The following TRPM3 variants were observed in gnomAD, a reference collection of about 807,000 sequenced individuals.
TRPM3 encodes the protein transient receptor potential cation channel subfamily M member 3, also known as long transient receptor potential channel 3.
Under a neutral mutation model 181.2 loss-of-function variants are expected in TRPM3, and 77 were observed. The observed-to-expected ratio is 0.42, with a 90% CI of 0.35 to 0.51. TRPM3 has a LOEUF of 0.51. Among genes scored for constraint, TRPM3 ranks in the 20% least tolerant of loss-of-function variants. The pLI, the probability that TRPM3 is intolerant of heterozygous loss-of-function variation, is 0.01. For synonymous variants in TRPM3, 745 were observed against 796.4 expected (o/e 0.94, Z 1.09); for missense variants, 1,759 against 2,196.7 (o/e 0.80, Z 3.98).
At chr9:71,309,284 G>A (rs7020962) in intron 1 of TRPM3, among the ~76,000 whole-genome samples, 7,287 of 152,026 alleles carry the variant, frequency 0.048, 418 homozygotes, top group African/African-American at 0.14. Context: ...TTTTTGTTTC[G>A]TATTCATGGC....
intron 1 of TRPM3, among the ~76,000 whole-genome samples, chr9:71,402,853 T>C (rs1020486831): frequency 2.6e-5 from 4 of 152,084 alleles, no homozygotes; most frequent in African/African-American, 9.6e-5. Flanking sequence ...AGATTTTTTT[T>C]TAACAGCAAT....
At chr9:71,256,910 G>T (rs976773938) in intron 1 of TRPM3, among the ~76,000 whole-genome samples, 2 of 152,118 alleles carry the variant, frequency 1.3e-5, no homozygotes, top group East Asian at 1.9e-4. Flanking sequence ...AAAAATACTG[G>T]TAAGTAAAAT....
At chr9:71,196,316 A>G (rs938016096) in intron 1 of TRPM3, among the ~76,000 whole-genome samples, 2 of 151,844 alleles carry the variant, frequency 1.3e-5, no homozygotes. Context: ...GGCCAAAAAA[A>G]GTCACACACA....
At chr9:71,191,494 T>G (rs568305024) in intron 1 of TRPM3, among the ~76,000 whole-genome samples, 1 of 151,714 alleles carries the variant, frequency 6.6e-6, no homozygotes, top group South Asian at 2.1e-4. Context: ...CCAACACTTA[T>G]GTATTTGTCG....
At chr9:71,190,580 T>A (rs1031587939) in intron 1 of TRPM3, among the ~76,000 whole-genome samples, 3 of 151,900 alleles carry the variant, frequency 2.0e-5, no homozygotes, top group African/African-American at 7.2e-5. Flanking sequence ...AAGAGTAGGA[T>A]AAAGGGAATG....
intron 1 of TRPM3, among the ~76,000 whole-genome samples, chr9:71,076,049 G>A (rs772049334): frequency 6.6e-5 from 10 of 152,068 alleles, no homozygotes; most frequent in Non-Finnish European, 1.3e-4. Context: ...CCAACTGTAC[G>A]TTTACGTAAA....
At chr9:71,299,496 A>G (rs1386859391) in intron 1 of TRPM3, among the ~76,000 whole-genome samples, 1 of 151,262 alleles carries the variant, frequency 6.6e-6, no homozygotes, top group African/African-American at 2.4e-5. Context: ...AATAAAAGAG[A>G]AAAAGATGAA....
At chr9:71,344,606 C>T (rs555581768) in intron 1 of TRPM3, among the ~76,000 whole-genome samples, 22 of 152,168 alleles carry the variant, frequency 1.4e-4, no homozygotes, top group East Asian at 7.7e-4. Flanking sequence ...ATACAGTGGA[C>T]GAACATAAAA....
chr9:71,372,192 T>C (rs981102440), intron 1 of TRPM3, among the ~76,000 whole-genome samples: 4 of 152,210 alleles, frequency 2.6e-5, no homozygotes, highest in Non-Finnish European at 2.9e-5. Context: ...TACTCCATTA[T>C]ATATATGTAT....
chr9:71,085,729 C>G (rs2065147546), intron 1 of TRPM3, among the ~76,000 whole-genome samples: 1 of 152,046 alleles, frequency 6.6e-6, no homozygotes. Flanking sequence ...GAAAAGGGAA[C>G]ACTTATACAC....
intron 1 of TRPM3, among the ~76,000 whole-genome samples, chr9:71,380,821 G>A (rs1453570868): frequency 6.6e-6 from 1 of 152,048 alleles, no homozygotes; most frequent in Non-Finnish European, 1.5e-5. Context: ...CTTTGGCCAA[G>A]AAGACCCCTG....
At chr9:71,045,039 G>A (rs967443611) in intron 1 of TRPM3, among the ~76,000 whole-genome samples, 4 of 151,942 alleles carry the variant, frequency 2.6e-5, no homozygotes, top group African/African-American at 9.7e-5. Flanking sequence ...CCATCGAAGA[G>A]TCTCTAGGAT....
chr9:71,329,734 T>C (rs73649722), intron 1 of TRPM3, among the ~76,000 whole-genome samples: 1 of 152,154 alleles, frequency 6.6e-6, no homozygotes, highest in Non-Finnish European at 1.5e-5. Flanking sequence ...CCTGCATCCT[T>C]TATCCTGAAG....
chr9:71,165,103 C>A (rs1032897728), intron 1 of TRPM3, among the ~76,000 whole-genome samples: 1 of 152,104 alleles, frequency 6.6e-6, no homozygotes, highest in Non-Finnish European at 1.5e-5. Flanking sequence ...CAGTATAGAC[C>A]AGCCCCGGAG....
intron 1 of TRPM3, among the ~76,000 whole-genome samples, chr9:71,235,316 T>C (rs1408930543): frequency 6.6e-6 from 1 of 152,250 alleles, no homozygotes; most frequent in East Asian, 1.9e-4. Context: ...AAGTTTACCC[T>C]GATTTGTCAA....
chr9:71,266,178 G>A (rs780619507), intron 1 of TRPM3, among the ~76,000 whole-genome samples: 16 of 152,160 alleles, frequency 1.1e-4, no homozygotes, highest in Non-Finnish European at 2.4e-4. Flanking sequence ...TCACTACATA[G>A]TATCAATGAA....
At chr9:71,041,723 T>C (rs2058845719) in intron 1 of TRPM3, among the ~76,000 whole-genome samples, 1 of 152,102 alleles carries the variant, frequency 6.6e-6, no homozygotes, top group African/African-American at 2.4e-5. Flanking sequence ...AGGCAGCCTT[T>C]ATTTTCCCAG....
intron 1 of TRPM3, among the ~76,000 whole-genome samples, chr9:71,369,031 A>G (rs1421408063): frequency 2.0e-5 from 3 of 152,174 alleles, no homozygotes; most frequent in East Asian, 1.9e-4. Flanking sequence ...TGCTTAGAAG[A>G]TAGTCTTATA....
rs1398031517 is a variant in TRPM3 at position 71,351,870 on chromosome 9, G to GTTTTTT, written c.183+94782_183+94783insAAAAAA. 2.1e-4 allele frequency among the ~76,000 whole-genome samples: 20 copies of GTTTTTT among 95,652 alleles called. 2 individuals carry two copies. Among genetic ancestry groups the GTTTTTT allele is most frequent in the Non-Finnish European group, 3.4e-4 (16 of 46,778 alleles). The allele number at this position is 95,652 out of a possible 152,430, so 62.8% of individuals were successfully genotyped here. A position where few individuals can be genotyped will look rare whatever the true frequency, so the allele number is the denominator to read the frequency against. ...ATGGGAAGTTTTTGTTTGTTTGTTT[G>GTTTTTT]TTTTTGTTTTTTTTTTTTTTTTTGA... On this transcript the variant is annotated intron_variant, in intron 1 of 24. Transcript: ENST00000357533.
Sources: allele counts gnomAD v4.1 joint callset (sites outside exome capture counted in the v4.1 genomes callset), GRCh38; gene constraint gnomAD v4.1.1; transcripts MANE v1.5; gene names NCBI Gene and HGNC (gene_info 2026-07-23, HGNC 2026-07-21).